RBMS3: variants seen among roughly 807,000 people sequenced by gnomAD.
The protein encoded by RBMS3 is RNA binding motif single stranded interacting protein 3.
RBMS3 carries 27 observed loss-of-function variants against 66.8 expected under a neutral mutation model. The observed-to-expected ratio is 0.40, with a 90% CI of 0.30 to 0.56. The LOEUF is 0.56. Ranked by LOEUF, RBMS3 falls within the 20% of genes least tolerant of loss-of-function variation. RBMS3 has a pLI of 0.40. For synonymous variants in RBMS3, 188 were observed against 183.0 expected (o/e 1.03, Z -0.22); for missense variants, 513 against 549.5 (o/e 0.93, Z 0.66).
intron 2 of RBMS3, among the ~76,000 whole-genome samples, chr3:29,446,969 C>T (rs573699698): frequency 2.6e-5 from 3 of 115,130 alleles, no homozygotes; most frequent in South Asian, 3.1e-4. Context: ...GGCTGGAGTT[C>T]GTGGTGCCAT....
At chr3:29,597,184 A>G (rs2047973697) in intron 4 of RBMS3, among the ~76,000 whole-genome samples, 1 of 152,120 alleles carries the variant, frequency 6.6e-6, no homozygotes, top group Non-Finnish European at 1.5e-5. Flanking sequence ...CATTCCCAAA[A>G]TACATGTTTT....
intron 4 of RBMS3, among the ~76,000 whole-genome samples, chr3:29,728,587 C>T (rs1157920891): frequency 6.6e-6 from 1 of 152,142 alleles, no homozygotes; most frequent in Non-Finnish European, 1.5e-5. Context: ...CTCCAGCTAA[C>T]ATGGCATTAA....
rs79717267 is a variant in RBMS3 at position 29,642,499 on chromosome 3, C to T, written c.399+55294C>T. Among the ~76,000 whole-genome samples, 987 of 152,116 alleles carry T rather than the reference C, an allele frequency of 6.5e-3. 4 individuals are homozygous for T. Among genetic ancestry groups the T allele is most frequent in the Non-Finnish European group, 9.0e-3 (613 of 67,966 alleles). On this transcript the variant is annotated intron_variant, in intron 4 of 14. Transcript: ENST00000383767. ...AAAATGTATGGTTTCATGTGTACCA[C>T]CAAAAAGCATTTCATCTTTCTATCC...
intron 5 of RBMS3, among the ~76,000 whole-genome samples, chr3:29,757,469 G>A (rs2149375173): frequency 6.6e-6 from 1 of 152,260 alleles, no homozygotes; most frequent in South Asian, 2.1e-4. Flanking sequence ...TTTGGCCCAT[G>A]GTTTCTAGTC....
At chr3:29,374,032 G>A (rs1217989332) in intron 1 of RBMS3, among the ~76,000 whole-genome samples, 3 of 152,176 alleles carry the variant, frequency 2.0e-5, no homozygotes, top group African/African-American at 4.8e-5. Context: ...CACTTTTGCT[G>A]GGAAAGAGAG....
intron 6 of RBMS3, among the ~76,000 whole-genome samples, chr3:29,854,263 C>T (rs905869038): frequency 6.6e-6 from 1 of 152,170 alleles, no homozygotes; most frequent in Non-Finnish European, 1.5e-5. Context: ...GTTGTGTTTC[C>T]GGGCCTGTCC....
At chr3:29,849,458 G>A (rs1302571840) in intron 6 of RBMS3, among the ~76,000 whole-genome samples, 5 of 147,044 alleles carry the variant, frequency 3.4e-5, no homozygotes, top group African/African-American at 1.3e-4. Context: ...AGGTTGCAGT[G>A]AGCCGAGATC....
intron 3 of RBMS3, among the ~76,000 whole-genome samples, chr3:29,548,555 A>G (rs1276694826): frequency 6.6e-6 from 1 of 152,086 alleles, no homozygotes; most frequent in East Asian, 1.9e-4. Context: ...TTTTTAAAGG[A>G]AAAAACCAAA....
chr3:29,850,855 G>C (rs1424652193), intron 6 of RBMS3, among the ~76,000 whole-genome samples: 1 of 152,184 alleles, frequency 6.6e-6, no homozygotes, highest in African/African-American at 2.4e-5. Context: ...TAGCAGGAAA[G>C]GGATCGAGAA....
intron 1 of RBMS3, among the ~76,000 whole-genome samples, chr3:29,313,303 C>T (rs2034489691): frequency 6.6e-6 from 1 of 151,676 alleles, no homozygotes; most frequent in South Asian, 2.1e-4. Context: ...TCCTTGCTGC[C>T]CTCAGCTCTG....
chr3:29,340,103 C>T (rs1467325097), intron 1 of RBMS3, among the ~76,000 whole-genome samples: 2 of 152,104 alleles, frequency 1.3e-5, no homozygotes, highest in African/African-American at 4.8e-5. Context: ...TAATGTCAAG[C>T]ACATATAGGA....
chr3:29,679,163 A>G (rs2051381292), intron 4 of RBMS3, among the ~76,000 whole-genome samples: 4 of 152,000 alleles, frequency 2.6e-5, no homozygotes, highest in Admixed American at 1.3e-4. Flanking sequence ...CTGTGTTTCC[A>G]TATGCTCTCC....
At chr3:29,353,418 G>A (rs1461760223) in intron 1 of RBMS3, among the ~76,000 whole-genome samples, 1 of 151,914 alleles carries the variant, frequency 6.6e-6, no homozygotes, top group Admixed American at 6.6e-5. Flanking sequence ...CGTTAAAGGA[G>A]TATAGATTTA....
intron 10 of RBMS3, among the ~76,000 whole-genome samples, chr3:29,905,382 T>C (rs1184818900): frequency 6.6e-6 from 1 of 152,066 alleles, no homozygotes; most frequent in African/African-American, 2.4e-5. Flanking sequence ...TGTTGTTACC[T>C]TTGAAGTTTA....
intron 1 of RBMS3, among the ~76,000 whole-genome samples, chr3:29,296,706 C>T (rs1193774428): frequency 6.6e-6 from 1 of 151,754 alleles, no homozygotes; most frequent in Non-Finnish European, 1.5e-5. Context: ...TCAACAGTTT[C>T]TTCTCCTAGA....
chr3:29,379,832 C>A (rs572729459), intron 1 of RBMS3, among the ~76,000 whole-genome samples: 47 of 152,206 alleles, frequency 3.1e-4, no homozygotes, highest in African/African-American at 1.1e-3. Context: ...TTGAAGTAGA[C>A]AAACAACACA....
intron 4 of RBMS3, among the ~76,000 whole-genome samples, chr3:29,713,228 C>T (rs1013294593): frequency 6.6e-6 from 1 of 151,938 alleles, no homozygotes; most frequent in Admixed American, 6.6e-5. Flanking sequence ...TGATCACTTC[C>T]ATACTTTCGT....
At chr3:29,446,140 G>A (rs924288035) in intron 2 of RBMS3, among the ~76,000 whole-genome samples, 4 of 152,088 alleles carry the variant, frequency 2.6e-5, no homozygotes, top group African/African-American at 9.7e-5. Flanking sequence ...CATCACAAGA[G>A]TAGCACAGAA....
chr3:29,928,254 A>G (rs1021004654), intron 10 of RBMS3, among the ~76,000 whole-genome samples: 1 of 147,074 alleles, frequency 6.8e-6, no homozygotes, highest in South Asian at 2.1e-4. Flanking sequence ...GTATATATGC[A>G]TACATATACA....
Sources: gnomAD v4.1 joint callset for allele counts (sites outside exome capture counted in the v4.1 genomes callset) on GRCh38, gnomAD v4.1.1 for gene constraint, MANE v1.5 for transcripts, NCBI Gene and HGNC (gene_info 2026-07-23, HGNC 2026-07-21) for gene names.